The following ATAD2B variants were observed in gnomAD, a reference collection of about 807,000 sequenced individuals.
ATAD2B encodes ATPase family AAA domain containing 2B.
ATAD2B carries 40 observed loss-of-function variants against 167.6 expected under a neutral mutation model. That is an observed-to-expected ratio of 0.24 (90% CI 0.19 to 0.31). ATAD2B has a LOEUF of 0.31. Among genes scored for constraint, ATAD2B ranks in the 10% least tolerant of loss-of-function variants. ATAD2B has a pLI of 1.00. For synonymous variants in ATAD2B, 579 were observed against 596.5 expected, an observed-to-expected ratio of 0.97 and a Z score of 0.43; for missense variants, 1,242 against 1,757.2, an observed-to-expected ratio of 0.71 and a Z score of 5.24.
chr2:23,724,213 T>C, the ATAD2B span, among the ~76,000 whole-genome samples: 2 of 152,156 alleles, frequency 1.3e-5, no homozygotes, highest in Non-Finnish European at 2.9e-5. Flanking sequence ...TCTATACCAG[T>C]TCAGAATGAC....
At chr2:23,706,488 G>A in the ATAD2B span, 1 of 1,529,394 alleles carries the variant, frequency 6.5e-7, no homozygotes, top group Non-Finnish European at 8.8e-7. Flanking sequence ...CAGTGCTGTG[G>A]TGCTTGATGG....
the ATAD2B span, among the ~76,000 whole-genome samples, chr2:23,719,944 C>T: frequency 6.6e-6 from 1 of 152,218 alleles, no homozygotes; most frequent in Non-Finnish European, 1.5e-5. Context: ...TCCCACACGT[C>T]CCCTGGGCAC....
intron 6 of ATAD2B, among the ~76,000 whole-genome samples, chr2:23,882,823 AC>A (rs112068972): frequency 0.094 from 13,943 of 148,904 alleles, 682 homozygotes; most frequent in Middle Eastern, 0.14. Context: ...AACAACAACA[AC>A]AAAAAAAAAA....
intron 17 of ATAD2B, 68 bp from the exon 18 acceptor site, chr2:23,810,570 CA>C (rs1419322440): frequency 7.5e-7 from 1 of 1,335,396 alleles, no homozygotes; most frequent in East Asian, 2.4e-5. Context: ...AAATATCAGG[CA>C]AAATTTTTAC....
At chr2:23,719,154 G>A in the ATAD2B span, among the ~76,000 whole-genome samples, 1 of 152,310 alleles carries the variant, frequency 6.6e-6, no homozygotes, top group Non-Finnish European at 1.5e-5. Context: ...ACAGCCCACA[G>A]GAACTAGGCC....
chr2:23,918,988 T>G (rs79801952), intron 1 of ATAD2B, among the ~76,000 whole-genome samples: 9,866 of 152,240 alleles, frequency 0.065, 412 homozygotes, highest in African/African-American at 0.12. Context: ...AGATGCTAAA[T>G]AAACCTTGGT....
At chr2:23,729,103 C>A in the ATAD2B span, among the ~76,000 whole-genome samples, 15 of 152,216 alleles carry the variant, frequency 9.9e-5, no homozygotes, top group Middle Eastern at 3.2e-3. Context: ...AGGGGGATGT[C>A]TGTCCCCATG....
downstream of ATAD2B, among the ~76,000 whole-genome samples, chr2:23,745,368 A>AAGGAAGGAAGGAAGGAAG: frequency 1.9e-5 from 1 of 52,920 alleles, no homozygotes; most frequent in East Asian, 5.9e-4. Context: ...AAGGAAGGAA[A>AAGGAAGGAAGGAAGGAAG]GAAGGAAGGA....
In ATAD2B at chr2:23,751,731, T is replaced by C; in HGVS notation, c.*315A>G. ...TGGTCTGCTCCCTAAGAGAGGAGTC[T>C]CCAAAAGAGAGTGCACAAAAAGAGG... On this transcript the variant is annotated 3_prime_UTR_variant, in exon 28 of 28. Coordinates refer to ENST00000238789, the MANE Select transcript of ATAD2B (RefSeq NM_017552.4). 1 of 351,100 alleles carries C rather than the reference T, an allele frequency of 2.8e-6. No individual in the cohort carries two copies. Among genetic ancestry groups the C allele is most frequent in the Non-Finnish European group, 5.2e-6 (1 of 193,776 alleles). The allele number at this position is 351,100 out of a possible 1,614,324, so 21.7% of individuals were successfully genotyped here.
intron 13 of ATAD2B, among the ~76,000 whole-genome samples, chr2:23,839,661 T>C (rs1690569107): frequency 6.6e-6 from 1 of 152,144 alleles, no homozygotes; most frequent in African/African-American, 2.4e-5. Flanking sequence ...TTAGGATTTT[T>C]ATATACATGT....
chr2:23,913,642 A>G (rs1209763773), intron 1 of ATAD2B, among the ~76,000 whole-genome samples: 4 of 150,070 alleles, frequency 2.7e-5, no homozygotes, highest in Non-Finnish European at 5.9e-5. Context: ...TCTCTTGAGA[A>G]AAAAAAAAAA....
chr2:23,755,027 T>C, intron 25 of ATAD2B: 1 of 279,550 alleles, frequency 3.6e-6, no homozygotes, highest in Non-Finnish European at 6.7e-6. Context: ...AATAAGCATA[T>C]CCACTAAAAG....
chr2:23,906,706 C>T (rs952895955), intron 1 of ATAD2B, among the ~76,000 whole-genome samples: 12 of 151,810 alleles, frequency 7.9e-5, no homozygotes, highest in African/African-American at 2.7e-4. Context: ...AACATTGATG[C>T]AAAAATCCTC....
At chr2:23,687,600 G>A in the ATAD2B span, among the ~76,000 whole-genome samples, 9 of 152,338 alleles carry the variant, frequency 5.9e-5, no homozygotes, top group Admixed American at 2.0e-4. Flanking sequence ...GCAAGGAGAC[G>A]AGCAGAGACG....
At chr2:23,871,173 T>C (rs1341405615) in intron 8 of ATAD2B, among the ~76,000 whole-genome samples, 2 of 151,876 alleles carry the variant, frequency 1.3e-5, no homozygotes, top group Admixed American at 6.6e-5. Context: ...ATCACTGCCA[T>C]TGAGCTCTAG....
the ATAD2B span, among the ~76,000 whole-genome samples, chr2:23,688,115 G>A: frequency 6.6e-6 from 1 of 152,114 alleles, no homozygotes; most frequent in Non-Finnish European, 1.5e-5. Flanking sequence ...GCCAGATAAC[G>A]AGACTCCCAT....
At chr2:23,818,692 A>T (rs1444583758) in intron 17 of ATAD2B, among the ~76,000 whole-genome samples, 1 of 152,232 alleles carries the variant, frequency 6.6e-6, no homozygotes, top group African/African-American at 2.4e-5. Flanking sequence ...AGTACACACA[A>T]TCCGGCCTCT....
intron 1 of ATAD2B, 137 bp downstream of exon 1, chr2:23,926,418 A>G (rs1573499009): frequency 2.1e-6 from 3 of 1,411,558 alleles, no homozygotes; most frequent in East Asian, 5.2e-5. Flanking sequence ...GCCACCCTCC[A>G]CCGCGCCCGC....
intron 18 of ATAD2B, among the ~76,000 whole-genome samples, chr2:23,809,380 A>G (rs982418130): frequency 6.6e-6 from 1 of 152,156 alleles, no homozygotes; most frequent in Admixed American, 6.5e-5. Flanking sequence ...AGTAAAAGAG[A>G]AACTAAATCA....
Sources: gnomAD v4.1 joint callset for allele counts (sites outside exome capture counted in the v4.1 genomes callset) on GRCh38, gnomAD v4.1.1 for gene constraint, MANE v1.5 for transcripts, NCBI Gene and HGNC (gene_info 2026-07-23, HGNC 2026-07-21) for gene names.